Variants in PTPRZ1 observed in about 807,000 individuals in gnomAD.
PTPRZ1 encodes receptor-type tyrosine-protein phosphatase zeta.
Under a neutral mutation model 214.1 loss-of-function variants are expected in PTPRZ1, and 82 were observed. That is an observed-to-expected ratio of 0.38 (90% confidence interval 0.32 to 0.46). The LOEUF (loss-of-function observed/expected upper bound fraction) is 0.46. PTPRZ1 is among the 20% of genes least tolerant of loss of function. PTPRZ1 has a pLI of 1.00. For missense variants in PTPRZ1, 2,603 were observed against 2,748.7 expected (o/e 0.95, Z 1.19); for synonymous variants, 945 against 987.9 (o/e 0.96, Z 0.81).
chr7:121,878,304 C>T (rs1236266203), intron 1 of PTPRZ1, among the ~76,000 whole-genome samples: 6 of 152,074 alleles, frequency 3.9e-5, no homozygotes, highest in Non-Finnish European at 8.8e-5. Flanking sequence ...TCACATGGGA[C>T]AGTGCAGACA....
intron 1 of PTPRZ1, among the ~76,000 whole-genome samples, chr7:121,909,733 A>G (rs1795216320): frequency 6.6e-6 from 1 of 152,202 alleles, no homozygotes; most frequent in South Asian, 2.1e-4. Flanking sequence ...TATACATGAA[A>G]GTAAAAAGGT....
chr7:122,011,074 T>C lies in PTPRZ1; in HGVS notation c.2028T>C (p.Thr676=), dbSNP rs1584739153. ...CAGGCAGAGAGAGCTTTCTCCAGAC[T>C]AATTACACTGAGATACGTGTTGATG... The part of the protein sequence containing the change: ...VGSGRESFLQ[T]NYTEIRVDES... Residue 676 remains threonine, a synonymous_variant, in exon 12 of 30, where the codon ACT becomes ACC. Coordinates refer to ENST00000393386, the MANE Select transcript of PTPRZ1 (RefSeq NM_002851.3). 1 of 1,614,114 alleles carries C rather than the reference T, an allele frequency of 6.2e-7. No homozygotes were observed. Among genetic ancestry groups the C allele is most frequent in the Non-Finnish European group, 8.5e-7 (1 of 1,180,012 alleles).
At chr7:121,992,064 A>G (rs777169319) in intron 8 of PTPRZ1, among the ~76,000 whole-genome samples, 1 of 152,250 alleles carries the variant, frequency 6.6e-6, no homozygotes, top group Non-Finnish European at 1.5e-5. Context: ...GTTATACTGT[A>G]CAGAACTTCA....
chr7:122,013,204 T>C lies in PTPRZ1; in HGVS notation c.4158T>C (p.Ser1386=), dbSNP rs1354966542. Residue 1386 remains serine (S), a synonymous_variant, in exon 12 of 30, where the codon TCT becomes TCC. Coordinates refer to ENST00000393386, the MANE Select transcript of PTPRZ1 (RefSeq NM_002851.3). ...CTGTTTCTCCCCACAGAGATGGTTCTGTAACCTCAACAAAGTTGCTGTTTC... is the reference window on the plus strand; with the variant it reads ...CTGTTTCTCCCCACAGAGATGGTTCCGTAACCTCAACAAAGTTGCTGTTTC... The part of the protein sequence containing the change: ...ITAVSPHRDG[S]VTSTKLLFPS... The C allele has an allele frequency of 2.5e-6, 4 of 1,614,108 alleles. No individual in the cohort carries two copies. The highest frequency in any genetic ancestry group is 1.7e-6 in the Non-Finnish European group (2 of 1,180,040).
chr7:121,953,574 T>C (rs1007505002), intron 2 of PTPRZ1, among the ~76,000 whole-genome samples: 1 of 152,248 alleles, frequency 6.6e-6, no homozygotes, highest in African/African-American at 2.4e-5. Context: ...AGACTAACTT[T>C]TCTCTTGTAC....
intron 8 of PTPRZ1, 126 bp downstream of exon 8, chr7:121,984,243 T>A (rs957119328): frequency 9.6e-6 from 8 of 835,726 alleles, no homozygotes; most frequent in African/African-American, 8.6e-5. Context: ...ATTTTGTAGC[T>A]TTAGATAAGC....
At chr7:122,034,674 A>G (rs1233213027) in intron 17 of PTPRZ1, among the ~76,000 whole-genome samples, 1 of 151,852 alleles carries the variant, frequency 6.6e-6, no homozygotes, top group African/African-American at 2.4e-5. Context: ...GGTTTTTGTC[A>G]TTATTTATAT....
chr7:122,017,416 A>C (rs1414320318), intron 12 of PTPRZ1, among the ~76,000 whole-genome samples: 31 of 152,024 alleles, frequency 2.0e-4, no homozygotes, highest in Admixed American at 2.0e-3. Context: ...TTCACTTTTT[A>C]TACAGTTTTA....
At chr7:121,922,846 A>C (rs1281370592) in intron 1 of PTPRZ1, among the ~76,000 whole-genome samples, 1 of 152,188 alleles carries the variant, frequency 6.6e-6, no homozygotes, top group East Asian at 1.9e-4. Context: ...GCACACATCC[A>C]ACCCTTTCAT....
At chr7:121,905,721 T>C (rs527297054) in intron 1 of PTPRZ1, among the ~76,000 whole-genome samples, 7 of 149,792 alleles carry the variant, frequency 4.7e-5, no homozygotes, top group Non-Finnish European at 8.9e-5. Context: ...AAAAGAAGGG[T>C]CTGTGATATA....
chr7:122,058,766 C>G, intron 27 of PTPRZ1, 34 bp from the exon 28 acceptor site: 1 of 1,558,798 alleles, frequency 6.4e-7, no homozygotes, highest in South Asian at 1.2e-5. Context: ...TAAACTGTCA[C>G]TAACTAACAT....
chr7:122,031,627 G>T (rs1274641578), intron 15 of PTPRZ1, 68 bp downstream of exon 15: 2 of 1,149,888 alleles, frequency 1.7e-6, no homozygotes, highest in East Asian at 2.6e-5. Flanking sequence ...TCAGCAATAG[G>T]CTATTTCTTG....
chr7:121,896,825 T>C (rs1274606121), intron 1 of PTPRZ1, among the ~76,000 whole-genome samples: 1 of 151,814 alleles, frequency 6.6e-6, no homozygotes, highest in Non-Finnish European at 1.5e-5. Context: ...AATAAGCCAG[T>C]CACAGAAAAA....
intron 8 of PTPRZ1, among the ~76,000 whole-genome samples, chr7:121,989,934 A>T (rs971003534): frequency 2.0e-5 from 3 of 152,184 alleles, no homozygotes; most frequent in Non-Finnish European, 2.9e-5. Context: ...TTTTTTAAAA[A>T]TGTTATTATA....
chr7:121,876,169 C>T (rs1366767677), intron 1 of PTPRZ1, among the ~76,000 whole-genome samples: 1 of 152,154 alleles, frequency 6.6e-6, no homozygotes, highest in African/African-American at 2.4e-5. Flanking sequence ...AAATAACTTT[C>T]CAGACAAAAA....
chr7:122,056,549 G>A (rs150508969), intron 27 of PTPRZ1, among the ~76,000 whole-genome samples: 17 of 151,956 alleles, frequency 1.1e-4, no homozygotes, highest in African/African-American at 3.6e-4. Flanking sequence ...GTAGACAAGT[G>A]AAGGTCTATG....
At chr7:122,004,068 C>T (rs975596876) in intron 10 of PTPRZ1, among the ~76,000 whole-genome samples, 2 of 152,156 alleles carry the variant, frequency 1.3e-5, no homozygotes, top group African/African-American at 4.8e-5. Context: ...CCTGGTGCAG[C>T]ACCCAGTATA....
chr7:121,928,166 T>C lies in PTPRZ1; in HGVS notation c.69T>C (p.Asn23=), dbSNP rs1795819229. 1.2e-6 allele frequency: 2 copies of C among 1,611,858 alleles called. No homozygotes were observed. The highest frequency in any genetic ancestry group is 1.7e-6 in the Non-Finnish European group (2 of 1,178,278). Reference sequence around the variant, plus strand: ...TTTTCTTTTTTATAGATTGGGCTAATGGATACTACAGACAACAGAGAAAAC... The same window carrying C: ...TTTTCTTTTTTATAGATTGGGCTAACGGATACTACAGACAACAGAGAAAAC... ...LLCVCRLDWA[N]GYYRQQRKLV... Residue 23 remains asparagine (N), a synonymous_variant, in exon 2 of 30, where the codon AAT becomes AAC. Coordinates refer to ENST00000393386, the MANE Select transcript of PTPRZ1 (RefSeq NM_002851.3).
In PTPRZ1 at chr7:122,044,418, C is replaced by T; in HGVS notation, c.5938-4C>T. 6.2e-7 allele frequency: 1 copy of T among 1,613,328 alleles called. No homozygotes were observed. Among genetic ancestry groups the T allele is most frequent in the Non-Finnish European group, 8.5e-7 (1 of 1,179,582 alleles). Reference sequence around the variant, plus strand: ...AATGTTGCTTATTGTCATTGTTTTGCCAGGAGCAATATGTCTTCATTCATG... The same window carrying T: ...AATGTTGCTTATTGTCATTGTTTTGTCAGGAGCAATATGTCTTCATTCATG... On this transcript the variant is annotated splice_region_variant and splice_polypyrimidine_tract_variant and intron_variant, in intron 22 of 29. Coordinates refer to ENST00000393386, the MANE Select transcript of PTPRZ1 (RefSeq NM_002851.3).
Sources: allele counts gnomAD v4.1 joint callset (sites outside exome capture counted in the v4.1 genomes callset), GRCh38; gene constraint gnomAD v4.1.1; transcripts MANE v1.5; gene names NCBI Gene and HGNC (gene_info 2026-07-23, HGNC 2026-07-21).